COL5A3: variants seen among roughly 807,000 people sequenced by gnomAD.
The protein encoded by COL5A3 is collagen alpha-3(V) chain.
Under a neutral mutation model 250.0 loss-of-function variants are expected in COL5A3, and 172 were observed. The observed-to-expected ratio is 0.69, with a 90% CI of 0.61 to 0.78. The LOEUF (loss-of-function observed/expected upper bound fraction) is 0.78. Among genes scored for constraint, COL5A3 ranks in the 30% least tolerant of loss-of-function variants. The probability of loss-of-function intolerance (pLI) is 0.00; values close to 1 mark genes in which losing one functional copy is unlikely to be tolerated. For synonymous variants in COL5A3, 937 were observed against 900.4 expected (o/e 1.04, Z -0.73); for missense variants, 2,340 against 2,334.4 (o/e 1.00, Z -0.05).
chr19:9,996,841 GAGAGAGAAGT>G lies in COL5A3; in HGVS notation c.1264-162_1264-153del, dbSNP rs571513476. On this transcript the variant is annotated intron_variant, in intron 11 of 66. Coordinates refer to ENST00000264828, the MANE Select transcript of COL5A3 (RefSeq NM_015719.4). ...TCAAAGAGGGATCATGGCAAGGAAA[GAGAGAGAAGT>G]AGAGAGAAGTGGAAAGGAAAAGACA... 1.7e-4 allele frequency: 108 copies of G among 619,014 alleles called. 1 individual carries two copies. In the Middle Eastern group the frequency reaches 3.4e-3, roughly 20 times the overall value. 38.3% of individuals were successfully genotyped at this position (619,014 alleles called of 1,614,324 possible).
At chr19:9,972,579 T>G (rs1281242310) in intron 51 of COL5A3, among the ~76,000 whole-genome samples, 1 of 152,218 alleles carries the variant, frequency 6.6e-6, no homozygotes, top group Non-Finnish European at 1.5e-5. Context: ...GGCTCATGCC[T>G]GTAATCCCAG....
chr19:9,991,953 C>A lies in COL5A3; in HGVS notation c.1893+51G>T, dbSNP rs749031111. ...GGAAGGGAATAGGGATGTGGACAAT[C>A]GGGGTCAGAGTGTCAGAAGGGTCAG... On this transcript the variant is annotated intron_variant, in intron 22 of 66. Transcript: ENST00000264828. 2.5e-6 allele frequency: 4 copies of A among 1,580,966 alleles called. No homozygotes were observed. The Admixed American group carries it at 6.7e-5, about 26-fold the overall frequency.
intron 1 of COL5A3, among the ~76,000 whole-genome samples, chr19:10,007,619 C>T (rs76280521): frequency 1.3e-5 from 2 of 152,266 alleles, no homozygotes; most frequent in South Asian, 2.1e-4. Flanking sequence ...AGCCTCTTGG[C>T]GGGAGCTGGA....
intron 62 of COL5A3, 41 bp from the exon 63 acceptor site, chr19:9,966,787 GGGGAGGGAGA>G: frequency 6.9e-7 from 1 of 1,451,974 alleles, no homozygotes; most frequent in South Asian, 1.2e-5. Context: ...AGGGGAGATG[GGGGAGGGAGA>G]GAGAGGGAGA....
rs1257450082 is a variant in COL5A3, at chr19:9,968,073, G to T, written c.4321C>A (p.Pro1441Thr). Residue 1441 changes from proline to threonine, a missense_variant, in exon 60 of 67, where the codon CCT becomes ACT. Pro to Thr is a conservative substitution (Grantham distance 38). Transcript: ENST00000264828. This position sits in a 1 kb window ranked among gnomAD's most constrained non-coding sequence, Gnocchi z 4.1. ...PPGPKGDPGP[P>T]GPIGSLGHPG... is the part of the protein sequence containing the mutation. Reference sequence around the variant, plus strand: ...TGGCCCAGAGAGCCAATGGGACCAGGGGGACCCTAGGAAAAGGACATCGGG... The same window carrying T: ...TGGCCCAGAGAGCCAATGGGACCAGTGGGACCCTAGGAAAAGGACATCGGG... 6.3e-7 allele frequency: 1 copy of T among 1,588,404 alleles called. No homozygotes were observed. The highest frequency in any genetic ancestry group is 1.2e-5 in the South Asian group (1 of 86,352).
intron 64 of COL5A3, among the ~76,000 whole-genome samples, chr19:9,965,654 T>C (rs1349950435): frequency 1.3e-5 from 2 of 151,270 alleles, no homozygotes; most frequent in Non-Finnish European, 2.9e-5. Flanking sequence ...GGTTTCACCA[T>C]GTTGGTCAGC....
At chr19:9,972,300 T>C (rs73003454) in intron 51 of COL5A3, among the ~76,000 whole-genome samples, 3,050 of 152,190 alleles carry the variant, frequency 0.02, 58 homozygotes, top group South Asian at 0.049. Context: ...CGTTCATCCA[T>C]TCATTCACTC....
intron 6 of COL5A3, 63 bp from the exon 7 acceptor site, chr19:10,001,944 A>C (rs1599228321): frequency 8.6e-7 from 1 of 1,166,236 alleles, no homozygotes; most frequent in Non-Finnish European, 1.3e-6. Flanking sequence ...AAAGGGAGGC[A>C]CCCTCCCACT....
rs1599547477 is a variant in COL5A3 at position 9,980,917 on chromosome 19, G to A, written c.2506-58C>T. On this transcript the variant is annotated intron_variant, in intron 33 of 66. Transcript: ENST00000264828. The stretch of plus-strand genomic sequence containing the variant: ...GAGGGGGTGGGGGAGCCTGGGAGAT[G>A]AGACCAAGTCTTCCAGGTCCCCTCC... 1.0e-5 allele frequency: 16 copies of A among 1,558,344 alleles called. No individual in the cohort carries two copies. In the South Asian group the frequency reaches 1.8e-4, roughly 18 times the overall value.
intron 27 of COL5A3, among the ~76,000 whole-genome samples, chr19:9,988,624 A>C (rs2087134008): frequency 6.6e-6 from 1 of 151,930 alleles, no homozygotes; most frequent in Non-Finnish European, 1.5e-5. Flanking sequence ...TGAGGTCAGG[A>C]GTTCGAGACC....
chr19:9,988,428 C>T (rs2087130227), intron 27 of COL5A3, among the ~76,000 whole-genome samples: 1 of 152,142 alleles, frequency 6.6e-6, no homozygotes, highest in African/African-American at 2.4e-5. Context: ...CTGGACTCAG[C>T]TTCCATATGG....
chr19:9,980,673 C>A lies in COL5A3; in HGVS notation c.2579G>T (p.Gly860Val), dbSNP rs2086996425. Reference sequence around the variant, plus strand: ...CTTTTCTCCAGGGATCCCAGGGGCTCCATCCTGGCCCACATCGCCCTAGGA... The same window carrying A: ...CTTTTCTCCAGGGATCCCAGGGGCTACATCCTGGCCCACATCGCCCTAGGA... ...PGPKGDVGQDGAPGIPGEKGL... is the reference protein window; with the variant it reads ...PGPKGDVGQDVAPGIPGEKGL... Residue 860 changes from glycine (G) to valine (V), a missense_variant, in exon 35 of 67, where the codon GGA becomes GTA. Gly to Val is a moderately radical substitution (Grantham distance 109). Coordinates refer to ENST00000264828, the MANE Select transcript of COL5A3 (RefSeq NM_015719.4). 6.2e-7 allele frequency: 1 copy of A among 1,613,990 alleles called. No homozygotes were observed. The highest frequency in any genetic ancestry group is 8.5e-7 in the Non-Finnish European group (1 of 1,179,980).
chr19:9,977,152 G>T, intron 44 of COL5A3, 77 bp downstream of exon 44: 2 of 1,414,702 alleles, frequency 1.4e-6, no homozygotes, highest in Non-Finnish European at 2.0e-6. Context: ...ACCCCATGGA[G>T]AATGATCTCT....
rs761949679 is a variant in COL5A3, at chr19:9,996,639, T to A, written c.1314A>T (p.Pro438=). ...GIPGIDGIRG[P]PGTVIMMPFQ... ...CCGGCATCATGATCACAGTGCCCGGTGGGCCTCGGATCCCATCAATGCCGG... is the reference window on the plus strand; with the variant it reads ...CCGGCATCATGATCACAGTGCCCGGAGGGCCTCGGATCCCATCAATGCCGG... The change falls in exon 12 of 67, where the codon CCA becomes CCT. Residue 438 remains proline (P), a synonymous_variant. Coordinates refer to ENST00000264828, the MANE Select transcript of COL5A3 (RefSeq NM_015719.4). The A allele has an allele frequency of 6.2e-7, 1 of 1,613,324 alleles. No individual in the cohort carries two copies. The highest frequency in any genetic ancestry group is 1.7e-5 in the Admixed American group (1 of 59,754).
At position 10,010,413 on chromosome 19, in the gene COL5A3, G is replaced by C. The variant is rs766953941; in HGVS notation, c.-28C>G. On this transcript the variant is annotated 5_prime_UTR_variant, in exon 1 of 67. Transcript: ENST00000264828. ...CGGCGGGGCCCACGGGCAAGGCGGGGAACCAGTCGGGGCGGCTGCGGGGCG... is the reference window on the plus strand; with the variant it reads ...CGGCGGGGCCCACGGGCAAGGCGGGCAACCAGTCGGGGCGGCTGCGGGGCG... 7.3e-7 allele frequency: 1 copy of C among 1,360,764 alleles called. No individual in the cohort carries two copies. 84.3% of individuals were successfully genotyped at this position (1,360,764 alleles called of 1,614,324 possible).
intron 23 of COL5A3, 23 bp downstream of exon 23, chr19:9,991,765 T>C (rs1246792206): frequency 1.3e-6 from 2 of 1,597,432 alleles, no homozygotes; most frequent in East Asian, 2.2e-5. Flanking sequence ...CCATGCCCCA[T>C]TATTGGGAAA....
At chr19:9,981,893 C>A (rs992090483) in intron 32 of COL5A3, among the ~76,000 whole-genome samples, 172 bp downstream of exon 32, 1 of 152,230 alleles carries the variant, frequency 6.6e-6, no homozygotes, top group African/African-American at 2.4e-5. Flanking sequence ...CATGATAATA[C>A]CATGTGTAAT....
intron 31 of COL5A3, among the ~76,000 whole-genome samples, chr19:9,983,996 A>G (rs1047466231): frequency 1.3e-5 from 2 of 151,516 alleles, no homozygotes; most frequent in Admixed American, 6.6e-5. Flanking sequence ...CTCTAGGAGG[A>G]TTCTGCACTC....
chr19:9,990,049 C>G (rs7259324), intron 24 of COL5A3, among the ~76,000 whole-genome samples: 63,444 of 151,250 alleles, frequency 0.42, 14,433 homozygotes, highest in African/African-American at 0.6. Flanking sequence ...ACTGTGCCCG[C>G]CTTCCCTGGC....
Sources: allele counts gnomAD v4.1 joint callset (sites outside exome capture counted in the v4.1 genomes callset), GRCh38; gene constraint gnomAD v4.1.1; non-coding constraint Gnocchi (gnomAD v3.1); transcripts MANE v1.5; gene names NCBI Gene and HGNC (gene_info 2026-07-23, HGNC 2026-07-21).